LIPA: variants seen among roughly 807,000 people sequenced by gnomAD.
LIPA encodes lipase A, lysosomal acid type.
Under a neutral mutation model 40.6 loss-of-function variants are expected in LIPA, and 26 were observed. The observed-to-expected ratio is 0.64, with a 90% CI of 0.47 to 0.89. LIPA has a LOEUF of 0.89. LIPA is among the 40% of genes least tolerant of loss of function. The probability of loss-of-function intolerance (pLI) is 0.00; values close to 1 mark genes in which losing one functional copy is unlikely to be tolerated. For synonymous variants in LIPA, 188 were observed against 168.4 expected, an observed-to-expected ratio of 1.12 and a Z score of -0.90; for missense variants, 455 against 479.6, an observed-to-expected ratio of 0.95 and a Z score of 0.48.
chr10:89,315,619 C>T (rs1406518451), intron 1 of LIPA, among the ~76,000 whole-genome samples: 1 of 152,122 alleles, frequency 6.6e-6, no homozygotes, highest in Non-Finnish European at 1.5e-5. Context: ...AGTATCAACT[C>T]CTTCAGAGCT....
intron 1 of LIPA, among the ~76,000 whole-genome samples, chr10:89,280,101 A>G (rs930515365): frequency 6.6e-6 from 1 of 152,198 alleles, no homozygotes; most frequent in Non-Finnish European, 1.5e-5. Flanking sequence ...ACTGACATGG[A>G]GAGATACCCA....
At chr10:89,250,578 G>C (rs922835493) in intron 1 of LIPA, among the ~76,000 whole-genome samples, 3 of 152,150 alleles carry the variant, frequency 2.0e-5, no homozygotes, top group Non-Finnish European at 4.4e-5. Context: ...AGAATAAGGA[G>C]TAAATTGAAA....
chr10:89,319,083 T>C (rs993605347), intron 1 of LIPA, among the ~76,000 whole-genome samples: 1 of 152,220 alleles, frequency 6.6e-6, no homozygotes, highest in Non-Finnish European at 1.5e-5. Context: ...GGGAAATTTA[T>C]AGCACTAAAT....
chr10:89,402,447 C>T, intron 2 of LIPA: 1 of 1,614,168 alleles, frequency 6.2e-7, no homozygotes, highest in Non-Finnish European at 8.5e-7. Flanking sequence ...ACACAACCTA[C>T]TAGCCTATGT....
At chr10:89,230,557 C>T (rs1366997159) in intron 3 of LIPA, among the ~76,000 whole-genome samples, 4 of 152,248 alleles carry the variant, frequency 2.6e-5, no homozygotes, top group Admixed American at 6.5e-5. Flanking sequence ...CCACCCACCT[C>T]GGCTTCCCAA....
rs560295468 is a variant in LIPA, at chr10:89,377,146, G to A, written c.61+35645C>T. ...TTCCTTTTTCTCTGCTAATTGTGTG[G>A]GCAATTACATCAGCCTTGGGATCAT... On this transcript the variant is annotated intron_variant, in intron 2 of 8. Coordinates refer to the LIPA transcript ENST00000371837. 1.5e-4 allele frequency among the ~76,000 whole-genome samples: 23 copies of A among 152,166 alleles called. No homozygotes were observed. In the South Asian group the frequency reaches 1.9e-3, roughly 12 times the overall value.
chr10:89,347,800 T>C (rs1450514620), intron 2 of LIPA, among the ~76,000 whole-genome samples: 1 of 152,112 alleles, frequency 6.6e-6, no homozygotes, highest in East Asian at 1.9e-4. Context: ...GCCAGGAAAG[T>C]AAAGTGGACC....
At chr10:89,376,649 G>A (rs537818687) in intron 2 of LIPA, among the ~76,000 whole-genome samples, 7 of 152,298 alleles carry the variant, frequency 4.6e-5, no homozygotes, top group Non-Finnish European at 7.4e-5. Context: ...ACAAAAATAC[G>A]AATATTTTCC....
intron 3 of LIPA, among the ~76,000 whole-genome samples, chr10:89,233,966 C>T (rs1842873406): frequency 6.6e-6 from 1 of 152,190 alleles, no homozygotes; most frequent in African/African-American, 2.4e-5. Context: ...AACCCACACT[C>T]CCTCCCACAG....
At chr10:89,301,445 G>C (rs1477910730) in intron 1 of LIPA, among the ~76,000 whole-genome samples, 1 of 152,158 alleles carries the variant, frequency 6.6e-6, no homozygotes, top group Admixed American at 6.5e-5. Flanking sequence ...TAATCACAAG[G>C]CAGGGAGCTT....
At position 89,388,492 on chromosome 10, in the gene LIPA, TAA is replaced by T. The variant is rs201218797; in HGVS notation, c.61+24297_61+24298del. On this transcript the variant is annotated intron_variant, in intron 2 of 8. Coordinates refer to the LIPA transcript ENST00000371837. ...CAGAGACGGTTGTTGGTGTATTATA[TAA>T]TAGATCACATGAATAATTAAACTGG... Among the ~76,000 whole-genome samples the T allele has an allele frequency of 9.8e-3, 1,499 of 152,320 alleles. 12 individuals carry two copies. The highest frequency in any genetic ancestry group is 0.015 in the Non-Finnish European group (1,051 of 68,020).
chr10:89,402,809 C>T (rs554970189), intron 2 of LIPA: 53 of 1,614,048 alleles, frequency 3.3e-5, no homozygotes, highest in South Asian at 8.8e-5. Context: ...CTGAATCCAG[C>T]GCTGGGTATG....
chr10:89,304,269 G>C (rs560556459), intron 1 of LIPA, among the ~76,000 whole-genome samples: 47 of 143,406 alleles, frequency 3.3e-4, no homozygotes, highest in Non-Finnish European at 5.4e-4. Flanking sequence ...CCCCAGGTGC[G>C]GGAGCCCCGG....
chr10:89,349,801 C>T (rs1843946913), intron 2 of LIPA, among the ~76,000 whole-genome samples: 1 of 152,112 alleles, frequency 6.6e-6, no homozygotes, highest in East Asian at 1.9e-4. Flanking sequence ...GACTATGCCA[C>T]CCCAAAACAT....
In LIPA at chr10:89,333,326, G is replaced by A. The variant is rs536989569; in HGVS notation, c.-2+9285C>T. ...GGTCCTGCATTCTGAAATCCTGATT[G>A]AGTAAAACAGAAATAAGGTCCAGAA... On this transcript the variant is annotated intron_variant, in intron 1 of 5. Coordinates refer to the LIPA transcript ENST00000282673. Among the ~76,000 whole-genome samples, 302 of 152,282 alleles carry A rather than the reference G, an allele frequency of 2.0e-3. 1 individual carries two copies. Among genetic ancestry groups the A allele is most frequent in the African/African-American group, 7.1e-3 (293 of 41,550 alleles).
chr10:89,367,076 C>CA (rs1325337392), intron 2 of LIPA, among the ~76,000 whole-genome samples: 1 of 150,624 alleles, frequency 6.6e-6, no homozygotes, highest in Non-Finnish European at 1.5e-5. Flanking sequence ...ATCTCAAGGA[C>CA]AAAAAACCAA....
intron 8 of LIPA, among the ~76,000 whole-genome samples, chr10:89,220,550 T>G (rs909740817): frequency 1.3e-5 from 2 of 152,204 alleles, no homozygotes; most frequent in Admixed American, 1.3e-4. Flanking sequence ...TTGGGGGCAT[T>G]CCTTAAGTGG....
At chr10:89,307,138 C>T (rs745619883) in intron 1 of LIPA, 7 of 1,613,810 alleles carry the variant, frequency 4.3e-6, no homozygotes, top group Non-Finnish European at 5.9e-6. Flanking sequence ...CCATCCACCA[C>T]TTTATAGAGG....
In LIPA at chr10:89,268,416, CAG is replaced by C. The variant is rs148035961; in HGVS notation, c.-1-20769_-1-20768del. ...TGTGTTTTTTAAATATTTTTCCTGACAGTAATTTTTTTTATAAATCCAATTTA... is the reference window on the plus strand; with the variant it reads ...TGTGTTTTTTAAATATTTTTCCTGACTAATTTTTTTTATAAATCCAATTTA... On this transcript the variant is annotated intron_variant, in intron 1 of 5. Coordinates refer to the LIPA transcript ENST00000282673. 5.4e-3 allele frequency among the ~76,000 whole-genome samples: 822 copies of C among 152,280 alleles called. 6 individuals carry two copies. The highest frequency in any genetic ancestry group is 0.019 in the African/African-American group (770 of 41,560).
Sources: gnomAD v4.1 joint callset for allele counts (sites outside exome capture counted in the v4.1 genomes callset) on GRCh38, gnomAD v4.1.1 for gene constraint, MANE v1.5 for transcripts, NCBI Gene and HGNC (gene_info 2026-07-23, HGNC 2026-07-21) for gene names.